The following SV2C variants were observed in gnomAD, a reference collection of about 807,000 sequenced individuals.
SV2C encodes the protein solute carrier family 22 member B3.
In SV2C, 49 loss-of-function variants were observed where a neutral mutation model predicts 79.7. The observed-to-expected ratio is 0.61, with a 90% CI of 0.49 to 0.78. SV2C has a LOEUF of 0.78. SV2C is among the 30% of genes least tolerant of loss of function. The pLI is 0.00. For synonymous variants in SV2C, 334 were observed against 333.2 expected, an observed-to-expected ratio of 1.00 and a Z score of -0.03; for missense variants, 833 against 912.9, an observed-to-expected ratio of 0.91 and a Z score of 1.13.
chr5:76,274,420 T>C (rs938097315), intron 4 of SV2C, among the ~76,000 whole-genome samples: 1 of 152,144 alleles, frequency 6.6e-6, no homozygotes, highest in African/African-American at 2.4e-5. Flanking sequence ...AGTCATTTTC[T>C]AGATATGTTT....
chr5:76,174,882 C>T (rs1395129724), intron 2 of SV2C, among the ~76,000 whole-genome samples: 2 of 152,208 alleles, frequency 1.3e-5, no homozygotes, highest in African/African-American at 4.8e-5. Context: ...GCTTCATGCC[C>T]TCTTGGCCAG....
chr5:76,062,729 T>C, the SV2C span, among the ~76,000 whole-genome samples: 1 of 152,072 alleles, frequency 6.6e-6, no homozygotes, highest in African/African-American at 2.4e-5. Context: ...TAAGAAAGGC[T>C]CTTTATTGTA....
At chr5:75,996,098 T>C in the SV2C span, among the ~76,000 whole-genome samples, 1 of 152,156 alleles carries the variant, frequency 6.6e-6, no homozygotes, top group Non-Finnish European at 1.5e-5. Context: ...GGTTTTCTTC[T>C]AGGGTTTTTA....
At chr5:76,159,723 A>T (rs115121508) in intron 2 of SV2C, among the ~76,000 whole-genome samples, 1 of 152,006 alleles carries the variant, frequency 6.6e-6, no homozygotes, top group Non-Finnish European at 1.5e-5. Context: ...CACCAATCAT[A>T]TTAGATTAAG....
At chr5:76,182,315 A>G (rs1158128874) in intron 2 of SV2C, among the ~76,000 whole-genome samples, 1 of 151,944 alleles carries the variant, frequency 6.6e-6, no homozygotes, top group Non-Finnish European at 1.5e-5. Flanking sequence ...TTTTGTTATG[A>G]CCTATCCCAA....
At chr5:76,070,165 A>T in the SV2C span, among the ~76,000 whole-genome samples, 1 of 152,182 alleles carries the variant, frequency 6.6e-6, no homozygotes, top group African/African-American at 2.4e-5. Flanking sequence ...GAGAGGAGAC[A>T]GTTCCTGGGG....
chr5:76,235,536 T>C (rs1040917377), intron 4 of SV2C, among the ~76,000 whole-genome samples: 2 of 152,322 alleles, frequency 1.3e-5, no homozygotes, highest in East Asian at 1.9e-4. Context: ...AACATTTACA[T>C]AGGAAGAGTA....
chr5:76,260,617 G>C (rs988227504), intron 4 of SV2C, among the ~76,000 whole-genome samples: 4 of 152,134 alleles, frequency 2.6e-5, no homozygotes, highest in African/African-American at 4.8e-5. Flanking sequence ...GTTAATTTTT[G>C]TATAAGATGT....
the SV2C span, among the ~76,000 whole-genome samples, chr5:75,902,601 C>G: frequency 6.6e-6 from 1 of 152,186 alleles, no homozygotes; most frequent in Admixed American, 6.5e-5. Flanking sequence ...GTCTATTTTG[C>G]CTCTGATAAT....
intron 4 of SV2C, among the ~76,000 whole-genome samples, chr5:76,274,682 TTC>T (rs200190596): frequency 0.03 from 2,729 of 92,370 alleles, 41 homozygotes; most frequent in African/African-American, 0.1. Flanking sequence ...CTTTTTCTCC[TTC>T]TTTTTTTTTT....
At chr5:76,320,702 A>G (rs192153197) in intron 12 of SV2C, among the ~76,000 whole-genome samples, 1 of 152,186 alleles carries the variant, frequency 6.6e-6, no homozygotes, top group African/African-American at 2.4e-5. Flanking sequence ...TACACAACAT[A>G]TAGGCTCAAG....
the SV2C span, among the ~76,000 whole-genome samples, chr5:75,859,742 G>A: frequency 6.6e-6 from 1 of 152,158 alleles, no homozygotes; most frequent in Non-Finnish European, 1.5e-5. Context: ...GGCTCCTCCT[G>A]AAAACTGCTC....
At position 76,106,308 on chromosome 5, in the gene SV2C, A is replaced by G. The variant is rs149808841; in HGVS notation, c.-102+22796A>G. Reference sequence around the variant, plus strand: ...TGTCTACTATCCCGTGCCCCCTCCCATCTGAACTACCTGAATTACTGAGGT... The same window carrying G: ...TGTCTACTATCCCGTGCCCCCTCCCGTCTGAACTACCTGAATTACTGAGGT... On this transcript the variant is annotated intron_variant, in intron 1 of 12. Transcript: ENST00000502798. Among the ~76,000 whole-genome samples the G allele has an allele frequency of 6.1e-4, 93 of 152,070 alleles. 1 individual carries two copies. Among genetic ancestry groups the G allele is most frequent in the African/African-American group, 2.0e-3 (83 of 41,470 alleles).
At chr5:75,928,758 A>G in the SV2C span, among the ~76,000 whole-genome samples, 3 of 152,016 alleles carry the variant, frequency 2.0e-5, no homozygotes, top group African/African-American at 7.3e-5. Context: ...TGGTTTAAGG[A>G]AGCTTGGAAG....
At chr5:76,118,256 TCTC>T (rs551498581) in intron 1 of SV2C, among the ~76,000 whole-genome samples, 90 of 152,306 alleles carry the variant, frequency 5.9e-4, no homozygotes, top group Middle Eastern at 6.8e-3. Context: ...CACATGGTCT[TCTC>T]CTTTTGTCTC....
intron 4 of SV2C, among the ~76,000 whole-genome samples, chr5:76,275,254 G>A (rs576661502): frequency 1.3e-5 from 2 of 152,122 alleles, no homozygotes; most frequent in Non-Finnish European, 2.9e-5. Flanking sequence ...TTGGGAGGCC[G>A]AGGCGGGCAG....
the SV2C span, among the ~76,000 whole-genome samples, chr5:75,904,023 G>A: frequency 6.6e-6 from 1 of 152,118 alleles, no homozygotes; most frequent in African/African-American, 2.4e-5. Flanking sequence ...AAAATCTTCT[G>A]GGGGGTGGTT....
chr5:76,185,339 C>T (rs1204523430), intron 2 of SV2C, among the ~76,000 whole-genome samples: 2 of 152,166 alleles, frequency 1.3e-5, no homozygotes, highest in African/African-American at 4.8e-5. Flanking sequence ...GGATGGTGGC[C>T]CTCTTCTCAC....
chr5:76,235,007 C>CGAT (rs1745568622), intron 4 of SV2C, among the ~76,000 whole-genome samples: 1 of 152,070 alleles, frequency 6.6e-6, no homozygotes, highest in Non-Finnish European at 1.5e-5. Flanking sequence ...CAGTTAAAGG[C>CGAT]GATGCATTTG....
Sources: allele counts gnomAD v4.1 joint callset (sites outside exome capture counted in the v4.1 genomes callset), GRCh38; gene constraint gnomAD v4.1.1; transcripts MANE v1.5; gene names NCBI Gene and HGNC (gene_info 2026-07-23, HGNC 2026-07-21).